Variants in SDHC observed in about 807,000 individuals in gnomAD.
SDHC encodes succinate dehydrogenase complex subunit C, also known as succinate dehydrogenase cytochrome b560 subunit, mitochondrial.
In SDHC, 11 loss-of-function variants were observed where a neutral mutation model predicts 22.6. That is an observed-to-expected ratio of 0.49 (90% confidence interval 0.31 to 0.81). The LOEUF (loss-of-function observed/expected upper bound fraction) is 0.81. Ranked by LOEUF, SDHC falls within the 30% of genes least tolerant of loss-of-function variation. SDHC has a pLI of 0.05. For missense variants in SDHC, 160 were observed against 212.0 expected, an observed-to-expected ratio of 0.75 and a Z score of 1.52; for synonymous variants, 80 against 77.8, an observed-to-expected ratio of 1.03 and a Z score of -0.15.
intron 4 of SDHC, 106 bp from the exon 5 acceptor site, chr1:161,356,571 T>C (rs181172614): frequency 8.6e-7 from 1 of 1,169,264 alleles, no homozygotes; most frequent in Non-Finnish European, 1.3e-6. Flanking sequence ...CTTCTCCATT[T>C]CAAAATGGTT....
intron 4 of SDHC, among the ~76,000 whole-genome samples, chr1:161,353,010 T>TG (rs756959634): frequency 5.3e-4 from 80 of 152,112 alleles, no homozygotes; most frequent in African/African-American, 1.9e-3. Flanking sequence ...AAAATTGGTG[T>TG]GGGGGTATGT....
chr1:161,362,217 A>G (rs1294867315), intron 5 of SDHC, 112 bp from the exon 6 acceptor site: 1 of 1,328,350 alleles, frequency 7.5e-7, no homozygotes, highest in Non-Finnish European at 1.1e-6. Flanking sequence ...TTTCTCTAGA[A>G]TCATGCTGAG....
intron 4 of SDHC, among the ~76,000 whole-genome samples, chr1:161,346,197 T>G (rs1453683036): frequency 6.6e-6 from 1 of 151,884 alleles, no homozygotes; most frequent in Non-Finnish European, 1.5e-5. Context: ...ACTCAATAGG[T>G]GCTTAGAAAA....
intron 1 of SDHC, among the ~76,000 whole-genome samples, chr1:161,323,301 G>C (rs902778233): frequency 1.3e-5 from 2 of 151,990 alleles, no homozygotes; most frequent in African/African-American, 4.8e-5. Context: ...CCTGGCCCAA[G>C]ACCTAGCTTT....
At chr1:161,361,161 A>G (rs1471769871) in intron 5 of SDHC, among the ~76,000 whole-genome samples, 2 of 152,132 alleles carry the variant, frequency 1.3e-5, no homozygotes, top group Non-Finnish European at 2.9e-5. Context: ...CCAGGAGTTC[A>G]AGACCTGCCT....
At chr1:161,339,536 G>A in intron 3 of SDHC, 2 of 1,237,880 alleles carry the variant, frequency 1.6e-6, no homozygotes, top group Non-Finnish European at 2.1e-6. Context: ...GGAGTTTTGA[G>A]TTATAATCAT....
intron 4 of SDHC, among the ~76,000 whole-genome samples, chr1:161,355,758 C>T (rs1038730331): frequency 5.3e-5 from 8 of 151,954 alleles, no homozygotes; most frequent in Non-Finnish European, 7.4e-5. Flanking sequence ...CTGAGGTGGG[C>T]GAATCACTTG....
At chr1:161,360,838 C>T (rs138279016) in intron 5 of SDHC, among the ~76,000 whole-genome samples, 14 of 151,008 alleles carry the variant, frequency 9.3e-5, no homozygotes, top group Middle Eastern at 3.4e-3. Flanking sequence ...TGGGGCTGGG[C>T]GTGGTGGCTC....
At chr1:161,341,191 T>C (rs778729975) in intron 4 of SDHC, among the ~76,000 whole-genome samples, 1 of 152,158 alleles carries the variant, frequency 6.6e-6, no homozygotes, top group Non-Finnish European at 1.5e-5. Context: ...CTTCCTGATA[T>C]CATGTTTATT....
chr1:161,315,828 G>A (rs1041638252), intron 1 of SDHC, among the ~76,000 whole-genome samples: 1 of 152,040 alleles, frequency 6.6e-6, no homozygotes, highest in Non-Finnish European at 1.5e-5. Context: ...CCAGGGAACC[G>A]GCGTTCAGCA....
At chr1:161,343,978 G>A (rs1169745181) in intron 4 of SDHC, among the ~76,000 whole-genome samples, 2 of 152,066 alleles carry the variant, frequency 1.3e-5, no homozygotes, top group African/African-American at 2.4e-5. Flanking sequence ...TTGGGAGGCC[G>A]AGGCAGGAGG....
chr1:161,335,404 T>C (rs942629740), intron 3 of SDHC, among the ~76,000 whole-genome samples: 1 of 152,224 alleles, frequency 6.6e-6, no homozygotes, highest in African/African-American at 2.4e-5. Context: ...CTCACCAGTA[T>C]CTGTTGGAGG....
At chr1:161,355,709 C>T (rs560938450) in intron 4 of SDHC, among the ~76,000 whole-genome samples, 11 of 152,260 alleles carry the variant, frequency 7.2e-5, no homozygotes, top group South Asian at 4.1e-4. Flanking sequence ...AAGGGCCAGG[C>T]GCAGTGGCTC....
intron 1 of SDHC, among the ~76,000 whole-genome samples, chr1:161,316,122 C>T (rs907315395): frequency 1.3e-5 from 2 of 152,128 alleles, no homozygotes; most frequent in Non-Finnish European, 2.9e-5. Flanking sequence ...GGTTTTACAC[C>T]GAGACATTCC....
chr1:161,336,862 A>T (rs185856271), intron 3 of SDHC, among the ~76,000 whole-genome samples: 24 of 151,280 alleles, frequency 1.6e-4, no homozygotes, highest in Admixed American at 1.4e-3. Context: ...TTCTGGAGGT[A>T]TTTTTTTATT....
chr1:161,326,476 T>TTTCTG (rs1260926866), intron 2 of SDHC, among the ~76,000 whole-genome samples: 20 of 150,176 alleles, frequency 1.3e-4, no homozygotes, highest in African/African-American at 4.6e-4. Flanking sequence ...AATTATATAG[T>TTTCTG]AGGGTGTCCT....
intron 3 of SDHC, among the ~76,000 whole-genome samples, chr1:161,334,368 A>G (rs77757552): frequency 6.6e-6 from 1 of 151,636 alleles, no homozygotes; most frequent in Non-Finnish European, 1.5e-5. Context: ...AAGGACCTTT[A>G]TGATTACACT....
rs114933925 is a variant in SDHC, at chr1:161,362,280, A to G, written c.406-49A>G. On this transcript the variant is annotated intron_variant, in intron 5 of 5. Transcript: ENST00000367975. Reference sequence around the variant, plus strand: ...TTACTTTCTGAGACAGGAACTGTTAATGTCCTATTTACTGAAATTCCTTTT... The same window carrying G: ...TTACTTTCTGAGACAGGAACTGTTAGTGTCCTATTTACTGAAATTCCTTTT... 1.5e-3 allele frequency: 2,360 copies of G among 1,584,228 alleles called. 32 individuals carry two copies. In the African/African-American group the frequency reaches 0.028, roughly 19 times the overall value.
intron 5 of SDHC, among the ~76,000 whole-genome samples, chr1:161,359,847 G>A (rs1256013107): frequency 6.6e-6 from 1 of 152,120 alleles, no homozygotes; most frequent in African/African-American, 2.4e-5. Flanking sequence ...AGAGTAGGAT[G>A]TTATAGGGTC....
Sources: gnomAD v4.1 joint callset for allele counts (sites outside exome capture counted in the v4.1 genomes callset) on GRCh38, gnomAD v4.1.1 for gene constraint, MANE v1.5 for transcripts, NCBI Gene and HGNC (gene_info 2026-07-23, HGNC 2026-07-21) for gene names.